The following UBE2H variants were observed in gnomAD, a reference collection of about 807,000 sequenced individuals.
The protein encoded by UBE2H is ubiquitin conjugating enzyme E2 H.
In UBE2H, 3 loss-of-function variants were observed where a neutral mutation model predicts 29.0. The ratio of observed to expected loss-of-function variants is 0.10; its 90% CI spans 0.05 to 0.27. The LOEUF (loss-of-function observed/expected upper bound fraction) is 0.27. Among genes scored for constraint, UBE2H ranks in the 10% least tolerant of loss-of-function variants. UBE2H has a pLI of 1.00. For synonymous variants in UBE2H, 69 were observed against 82.9 expected (o/e 0.83, Z 0.91); for missense variants, 68 against 228.2 (o/e 0.30, Z 4.52).
Position 129,912,652 on chromosome 7 carries a change from CA to C in UBE2H, c.54-31682del, listed in dbSNP as rs1168226051. ...TTTCCACTTGTGTTACGTAGGTGCT[CA>C]AAAAGTTTTGAATTTTGGAGCATTT... is the stretch of plus-strand genomic sequence containing the variant. On this transcript the variant is annotated intron_variant, in intron 1 of 6. Transcript: ENST00000355621. Among the ~76,000 whole-genome samples the C allele has an allele frequency of 5.3e-5, 8 of 152,156 alleles. No individual in the cohort carries two copies. In the East Asian group the frequency reaches 1.2e-3, roughly 22 times the overall value.
chr7:129,952,716 G>A lies in UBE2H; in HGVS notation c.-161C>T. 3 of 763,352 alleles carry A rather than the reference G, an allele frequency of 3.9e-6. 1 individual carries two copies. The South Asian group carries it at 7.8e-5, about 20-fold the overall frequency. 47.3% of individuals were successfully genotyped at this position (763,352 alleles called of 1,614,324 possible). On this transcript the variant is annotated 5_prime_UTR_variant, in exon 1 of 7. Transcript: ENST00000355621. ...CGCCGCCGCCGCCCCCCGCACGGGG[G>A]AACACCGGGCACTGTCCGGCCGGGT...
At chr7:129,915,334 A>T (rs2116456897) in intron 1 of UBE2H, among the ~76,000 whole-genome samples, 1 of 152,282 alleles carries the variant, frequency 6.6e-6, no homozygotes, top group East Asian at 1.9e-4. Context: ...CAGGAGATCG[A>T]GACCATCCTG....
intron 3 of UBE2H, among the ~76,000 whole-genome samples, chr7:129,879,269 T>G (rs1171826019): frequency 1.3e-5 from 2 of 152,226 alleles, no homozygotes; most frequent in African/African-American, 4.8e-5. Context: ...TAAGATATGT[T>G]TATTATTTTC....
intron 1 of UBE2H, 152 bp downstream of exon 1, chr7:129,952,351 T>C: frequency 1.2e-6 from 1 of 856,510 alleles, no homozygotes. Flanking sequence ...CCCTGGGAGG[T>C]GCCAAGGAGC....
At chr7:129,901,385 T>C (rs1806711455) in intron 1 of UBE2H, among the ~76,000 whole-genome samples, 2 of 152,066 alleles carry the variant, frequency 1.3e-5, no homozygotes, top group Non-Finnish European at 2.9e-5. Flanking sequence ...CTTGTTCTGA[T>C]GAGGAAGGTG....
chr7:129,880,943 G>A lies in UBE2H; in HGVS notation c.82C>T (p.Leu28=), dbSNP rs1806240442. The part of the protein sequence containing the change: ...LIESKHEVTI[L]GGLNEFVVKF... The stretch of plus-strand genomic sequence containing the variant: ...ACTACAAATTCATTAAGTCCTCCCA[G>A]GATCGTAACCTCATGTTTACTCTCG... Residue 28 remains leucine, a synonymous_variant, in exon 2 of 7, where the codon CTG becomes TTG. Transcript: ENST00000355621. 1 of 1,613,690 alleles carries A rather than the reference G, an allele frequency of 6.2e-7. No homozygotes were observed. Among genetic ancestry groups the A allele is most frequent in the Non-Finnish European group, 8.5e-7 (1 of 1,179,882 alleles).
intron 1 of UBE2H, among the ~76,000 whole-genome samples, chr7:129,950,927 TG>T (rs1477501378): frequency 6.6e-6 from 1 of 152,154 alleles, no homozygotes; most frequent in Non-Finnish European, 1.5e-5. Flanking sequence ...GAACATATAT[TG>T]GGTACACTAT....
At chr7:129,944,742 A>G (rs1003985299) in intron 1 of UBE2H, among the ~76,000 whole-genome samples, 1 of 128,624 alleles carries the variant, frequency 7.8e-6, no homozygotes, top group South Asian at 2.5e-4. Flanking sequence ...ACACACACAC[A>G]CACACACACG....
intron 3 of UBE2H, among the ~76,000 whole-genome samples, chr7:129,863,024 T>C (rs1805830750): frequency 6.6e-6 from 1 of 152,202 alleles, no homozygotes; most frequent in African/African-American, 2.4e-5. Context: ...TTTAAAGGTG[T>C]TAAGTCAAGC....
At chr7:129,932,402 C>T (rs796350922) in intron 1 of UBE2H, among the ~76,000 whole-genome samples, 7 of 151,548 alleles carry the variant, frequency 4.6e-5, no homozygotes, top group African/African-American at 7.3e-5. Flanking sequence ...GGATTATAGG[C>T]GTGAGGCACC....
At chr7:129,884,963 G>A (rs956084098) in intron 1 of UBE2H, among the ~76,000 whole-genome samples, 1 of 152,024 alleles carries the variant, frequency 6.6e-6, no homozygotes, top group Admixed American at 6.6e-5. Context: ...CACTTTGGAA[G>A]GCCTAAGGCA....
intron 5 of UBE2H, among the ~76,000 whole-genome samples, chr7:129,849,589 A>T (rs1805572210): frequency 6.6e-6 from 1 of 152,070 alleles, no homozygotes; most frequent in Non-Finnish European, 1.5e-5. Flanking sequence ...AATAAAATAA[A>T]ATAAAATAAT....
At chr7:129,872,253 G>C (rs1486831) in intron 3 of UBE2H, among the ~76,000 whole-genome samples, 38,363 of 151,934 alleles carry the variant, frequency 0.25, 5,040 homozygotes, top group African/African-American at 0.31. Flanking sequence ...CCTCTCTACT[G>C]CAAATACTGG....
At chr7:129,882,198 T>A (rs1161054263) in intron 1 of UBE2H, among the ~76,000 whole-genome samples, 2 of 152,202 alleles carry the variant, frequency 1.3e-5, no homozygotes, top group African/African-American at 4.8e-5. Context: ...TCGTTTAAAA[T>A]CTGTTCTATG....
chr7:129,868,940 T>TC (rs759108316), intron 3 of UBE2H, among the ~76,000 whole-genome samples: 3 of 149,636 alleles, frequency 2.0e-5, no homozygotes, highest in African/African-American at 7.3e-5. Context: ...TCTCTCTTTT[T>TC]TTTTTTTTTT....
chr7:129,882,010 T>G (rs1271556312), intron 1 of UBE2H, among the ~76,000 whole-genome samples: 4 of 152,108 alleles, frequency 2.6e-5, no homozygotes, highest in Non-Finnish European at 5.9e-5. Context: ...CCCCCCAAAC[T>G]CCACCTTCTT....
intron 1 of UBE2H, among the ~76,000 whole-genome samples, chr7:129,917,333 A>G (rs1265557009): frequency 6.6e-6 from 1 of 152,218 alleles, no homozygotes; most frequent in Non-Finnish European, 1.5e-5. Flanking sequence ...AGGTGTTAAC[A>G]TGCATTACAT....
At chr7:129,853,189 C>A (rs971554957) in intron 5 of UBE2H, among the ~76,000 whole-genome samples, 5 of 152,168 alleles carry the variant, frequency 3.3e-5, no homozygotes, top group African/African-American at 1.2e-4. Flanking sequence ...ACCTGGGCCC[C>A]CAGGAGTGCA....
Position 129,855,798 on chromosome 7 carries a change from G to T in UBE2H, c.298+1713C>A, listed in dbSNP as rs561007898. ...TATAGTCCCAGCTACTGGGGAGGCTGAGATGGGAGGACTGTTCGAGCCTAG... is the reference window on the plus strand; with the variant it reads ...TATAGTCCCAGCTACTGGGGAGGCTTAGATGGGAGGACTGTTCGAGCCTAG... On this transcript the variant is annotated intron_variant, in intron 5 of 6. Coordinates refer to ENST00000355621, the MANE Select transcript of UBE2H (RefSeq NM_003344.4). 1.0e-3 allele frequency among the ~76,000 whole-genome samples: 159 copies of T among 152,320 alleles called. 4 individuals carry two copies. In the East Asian group the frequency reaches 0.023, roughly 22 times the overall value.
Sources: gnomAD v4.1 joint callset for allele counts (sites outside exome capture counted in the v4.1 genomes callset) on GRCh38, gnomAD v4.1.1 for gene constraint, MANE v1.5 for transcripts, NCBI Gene and HGNC (gene_info 2026-07-23, HGNC 2026-07-21) for gene names.